ZNF362: variants seen among roughly 807,000 people sequenced by gnomAD.
The protein encoded by ZNF362 is zinc finger protein 362, also known as rotund homolog.
Under a neutral mutation model 42.9 loss-of-function variants are expected in ZNF362, and 11 were observed. That is an observed-to-expected ratio of 0.26 (90% CI 0.16 to 0.42). The LOEUF (loss-of-function observed/expected upper bound fraction) is 0.42. ZNF362 is among the 20% of genes least tolerant of loss of function. The pLI is 1.00. For synonymous variants in ZNF362, 255 were observed against 257.3 expected (o/e 0.99, Z 0.09); for missense variants, 362 against 576.2 (o/e 0.63, Z 3.81).
chr1:33,205,315 C>T, the ZNF362 span, among the ~76,000 whole-genome samples: 1 of 151,918 alleles, frequency 6.6e-6, no homozygotes, highest in African/African-American at 2.4e-5. Flanking sequence ...GAGACCTCAT[C>T]TCTACTAAAA....
chr1:33,286,873 T>C (rs1026960683), intron 6 of ZNF362, among the ~76,000 whole-genome samples: 2 of 152,062 alleles, frequency 1.3e-5, no homozygotes, highest in Non-Finnish European at 2.9e-5. Context: ...ATGAAGGGCA[T>C]AAAAGAAGGT....
intron 6 of ZNF362, among the ~76,000 whole-genome samples, chr1:33,283,726 G>T (rs1468971744): frequency 1.3e-5 from 2 of 152,086 alleles, no homozygotes; most frequent in East Asian, 3.8e-4. Context: ...AATAATAAAA[G>T]AATAAAATGG....
chr1:33,271,123 C>G (rs537914546), intron 2 of ZNF362, among the ~76,000 whole-genome samples: 6 of 152,318 alleles, frequency 3.9e-5, no homozygotes, highest in Admixed American at 2.0e-4. Context: ...GGGCCTTTCT[C>G]AACCACAGAT....
the ZNF362 span, among the ~76,000 whole-genome samples, chr1:33,190,002 C>T: frequency 6.6e-6 from 1 of 151,744 alleles, no homozygotes; most frequent in Non-Finnish European, 1.5e-5. Context: ...AATTTGGATC[C>T]CCTGGAATCA....
the ZNF362 span, chr1:33,200,145 G>A: frequency 1.1e-4 from 16 of 152,328 alleles, no homozygotes; most frequent in African/African-American, 3.8e-4. Context: ...TTCTGTTTGT[G>A]AGGTGGTGTA....
At chr1:33,199,953 G>C in the ZNF362 span, 1 of 152,350 alleles carries the variant, frequency 6.6e-6, no homozygotes, top group African/African-American at 2.4e-5. Flanking sequence ...GGCAGACGTT[G>C]CCGTGAGATA....
At chr1:33,191,549 C>T in the ZNF362 span, among the ~76,000 whole-genome samples, 1 of 152,074 alleles carries the variant, frequency 6.6e-6, no homozygotes, top group South Asian at 2.1e-4. Flanking sequence ...CGCTGTGTCC[C>T]CCAGGCAGGC....
the ZNF362 span, among the ~76,000 whole-genome samples, chr1:33,201,307 T>C: frequency 6.6e-6 from 1 of 152,238 alleles, no homozygotes; most frequent in Non-Finnish European, 1.5e-5. Context: ...TAGACATTTA[T>C]AGAACACTTC....
the ZNF362 span, among the ~76,000 whole-genome samples, chr1:33,235,729 A>C: frequency 6.6e-6 from 1 of 152,172 alleles, no homozygotes; most frequent in Non-Finnish European, 1.5e-5. Context: ...GAAACATCAG[A>C]GATAAGGGAA....
At chr1:33,288,755 A>AAAAAAAAAAAAAAAAAAAAAC (rs1646051556) in intron 6 of ZNF362, among the ~76,000 whole-genome samples, 1 of 146,484 alleles carries the variant, frequency 6.8e-6, no homozygotes, top group East Asian at 2.0e-4. Flanking sequence ...AAAAAAAAAA[A>AAAAAAAAAAAAAAAAAAAAAC]AAAAAAAGAA....
the ZNF362 span, among the ~76,000 whole-genome samples, chr1:33,214,408 G>A: frequency 2.6e-5 from 4 of 152,242 alleles, no homozygotes; most frequent in African/African-American, 9.6e-5. Context: ...GGAAACATTG[G>A]GAAAACTCTC....
At chr1:33,258,464 C>T (rs570859356) in intron 1 of ZNF362, among the ~76,000 whole-genome samples, 3 of 152,258 alleles carry the variant, frequency 2.0e-5, no homozygotes, top group African/African-American at 7.2e-5. Flanking sequence ...GTTAGGGGTT[C>T]AGGGCTGTGG....
At chr1:33,160,998 G>A in the ZNF362 span, among the ~76,000 whole-genome samples, 9 of 152,222 alleles carry the variant, frequency 5.9e-5, no homozygotes, top group Non-Finnish European at 2.9e-5. Flanking sequence ...GTGCCTGACA[G>A]TCTGCGTAAG....
the ZNF362 span, among the ~76,000 whole-genome samples, chr1:33,175,538 G>T: frequency 6.6e-6 from 1 of 152,198 alleles, no homozygotes; most frequent in Non-Finnish European, 1.5e-5. Flanking sequence ...AATGGGGAGC[G>T]TGTCAACCAG....
chr1:33,250,533 C>T, the ZNF362 span, among the ~76,000 whole-genome samples: 2 of 152,134 alleles, frequency 1.3e-5, no homozygotes, highest in East Asian at 3.9e-4. Context: ...GGGAGCTGAA[C>T]AATGAGAATA....
chr1:33,188,126 C>T, the ZNF362 span, among the ~76,000 whole-genome samples: 59 of 152,130 alleles, frequency 3.9e-4, no homozygotes, highest in Admixed American at 9.8e-4. Flanking sequence ...CCCAGCTACT[C>T]GGGAGGCTGA....
upstream of ZNF362, among the ~76,000 whole-genome samples, chr1:33,253,744 A>G (rs560802332): frequency 4.9e-4 from 74 of 152,284 alleles, no homozygotes; most frequent in African/African-American, 1.8e-3. Context: ...GATGATATTG[A>G]TGATAACATA....
At chr1:33,165,751 C>T in the ZNF362 span, 103 of 434,748 alleles carry the variant, frequency 2.4e-4, no homozygotes, top group Non-Finnish European at 9.3e-5. This position sits in a 1 kb window ranked among gnomAD's most constrained non-coding sequence, Gnocchi z 4.0. Flanking sequence ...CTCCAGAACC[C>T]GTCCGTATCT....
At chr1:33,239,455 TC>T in the ZNF362 span, among the ~76,000 whole-genome samples, 4 of 152,204 alleles carry the variant, frequency 2.6e-5, no homozygotes, top group Admixed American at 2.0e-4. Flanking sequence ...ATTAGTCCGT[TC>T]TCACACTGCT....
Sources: gnomAD v4.1 joint callset for allele counts (sites outside exome capture counted in the v4.1 genomes callset) on GRCh38, gnomAD v4.1.1 for gene constraint, Gnocchi (gnomAD v3.1) non-coding constraint, MANE v1.5 for transcripts, NCBI Gene and HGNC (gene_info 2026-07-23, HGNC 2026-07-21) for gene names.